LEMD1: variants seen among roughly 807,000 people sequenced by gnomAD.
LEMD1 encodes the protein LEM domain containing 1.
In LEMD1, 18 loss-of-function variants were observed where a neutral mutation model predicts 17.4. The observed-to-expected ratio is 1.04, with a 90% CI of 0.72 to 1.54. The LOEUF is 1.54. Ranked by LOEUF, LEMD1 falls within the 40% of genes most tolerant of loss-of-function variation. The probability of loss-of-function intolerance (pLI) is 0.00; values close to 1 mark genes in which losing one functional copy is unlikely to be tolerated. For missense variants in LEMD1, 195 were observed against 210.4 expected, an observed-to-expected ratio of 0.93 and a Z score of 0.45; for synonymous variants, 88 against 77.8, an observed-to-expected ratio of 1.13 and a Z score of -0.69.
chr1:205,407,884 T>A (rs1024855334), intron 4 of LEMD1, among the ~76,000 whole-genome samples: 2 of 152,108 alleles, frequency 1.3e-5, no homozygotes, highest in African/African-American at 4.8e-5. Context: ...TCTGGAGAGT[T>A]GGAGAACTGG....
chr1:205,392,699 TC>T (rs1402782257), intron 4 of LEMD1, among the ~76,000 whole-genome samples: 1 of 152,062 alleles, frequency 6.6e-6, no homozygotes. Flanking sequence ...ATAAACAGTG[TC>T]TCAGGGTCTC....
chr1:205,396,755 G>C (rs553669138), intron 4 of LEMD1, among the ~76,000 whole-genome samples: 3 of 152,270 alleles, frequency 2.0e-5, no homozygotes, highest in African/African-American at 7.2e-5. Flanking sequence ...GTTTGTGGAT[G>C]CTATAAAGAA....
Position 205,448,328 on chromosome 1 carries a change from G to A in LEMD1, c.-39+1540C>T, listed in dbSNP as rs753959183. On this transcript the variant is annotated intron_variant, in intron 1 of 3. Coordinates refer to the LEMD1 transcript ENST00000367154. The surrounding 1 kb of genome is among the most constrained non-coding windows in gnomAD (Gnocchi z 4.7). ...GAGCTCGCCCCTCACTGTAGCCCATGGCTTTTAGCCCTACATGAGTTTGGG... is the reference window on the plus strand; with the variant it reads ...GAGCTCGCCCCTCACTGTAGCCCATAGCTTTTAGCCCTACATGAGTTTGGG... 3.7e-6 allele frequency: 2 copies of A among 533,694 alleles called. No individual in the cohort carries two copies. The highest frequency in any genetic ancestry group is 1.9e-5 in the Admixed American group (1 of 51,580). 33.1% of individuals were successfully genotyped at this position (533,694 alleles called of 1,614,324 possible). A position where few individuals can be genotyped will look rare whatever the true frequency, so the allele number is the denominator to read the frequency against.
chr1:205,398,050 T>C (rs1433366706), intron 4 of LEMD1, among the ~76,000 whole-genome samples: 1 of 152,208 alleles, frequency 6.6e-6, no homozygotes, highest in Non-Finnish European at 1.5e-5. Flanking sequence ...GATCAAGATA[T>C]ATTGATCATA....
intron 4 of LEMD1, among the ~76,000 whole-genome samples, chr1:205,411,053 G>A (rs1015025173): frequency 1.4e-5 from 2 of 142,486 alleles, no homozygotes; most frequent in Non-Finnish European, 3.0e-5. Context: ...AGGAAGGCAG[G>A]AAGGGAGAGA....
Position 205,415,173 on chromosome 1 carries a change from A to G in LEMD1, c.270+1059T>C, listed in dbSNP as rs906716995. Among the ~76,000 whole-genome samples the G allele has an allele frequency of 5.9e-5, 9 of 152,016 alleles. 1 individual carries two copies. The highest frequency in any genetic ancestry group is 1.2e-4 in the Non-Finnish European group (8 of 67,970). On this transcript the variant is annotated intron_variant, in intron 4 of 5. Coordinates refer to ENST00000367153, the MANE Select transcript of LEMD1 (RefSeq NM_001199050.2). ...CCTGAGCCTGAGGTACAGGGGGATA[A>G]CCATGGGGAGAAGCATGAACACGTC...
At chr1:205,383,365 G>A (rs1339244375) in intron 5 of LEMD1, among the ~76,000 whole-genome samples, 3 of 152,148 alleles carry the variant, frequency 2.0e-5, no homozygotes, top group Non-Finnish European at 4.4e-5. Context: ...AAAATGCTGG[G>A]ATTACAGGCA....
chr1:205,445,180 C>G (rs1475921383), intron 1 of LEMD1, among the ~76,000 whole-genome samples: 1 of 152,114 alleles, frequency 6.6e-6, no homozygotes, highest in Non-Finnish European at 1.5e-5. Flanking sequence ...TTTCTCTCCC[C>G]ACCTCCTCCC....
intron 3 of LEMD1, among the ~76,000 whole-genome samples, chr1:205,417,086 T>C (rs1011429001): frequency 6.6e-6 from 1 of 152,154 alleles, no homozygotes; most frequent in Non-Finnish European, 1.5e-5. Flanking sequence ...ACTCCTCCAC[T>C]CTAATGGTAC....
chr1:205,446,778 C>T (rs1666396003), intron 1 of LEMD1, among the ~76,000 whole-genome samples: 1 of 152,156 alleles, frequency 6.6e-6, no homozygotes, highest in Non-Finnish European at 1.5e-5. Context: ...GGTGAGAGAA[C>T]CCAGAGGGCA....
intron 4 of LEMD1, among the ~76,000 whole-genome samples, chr1:205,397,147 C>T (rs968606592): frequency 2.6e-5 from 4 of 152,180 alleles, no homozygotes; most frequent in Non-Finnish European, 5.9e-5. Context: ...CGAGCCTTTG[C>T]TTCCGCGGGA....
chr1:205,412,835 A>G (rs1665514185), intron 4 of LEMD1, among the ~76,000 whole-genome samples: 1 of 152,230 alleles, frequency 6.6e-6, no homozygotes, highest in African/African-American at 2.4e-5. Flanking sequence ...AGGTTTATGT[A>G]AAGTGGAGAC....
At chr1:205,416,086 A>C in intron 4 of LEMD1, 146 bp downstream of exon 4, 1 of 535,092 alleles carries the variant, frequency 1.9e-6, no homozygotes, top group East Asian at 3.3e-5. Context: ...AGAAATCTGC[A>C]TTAAAATGAT....
rs74672136 is a variant in LEMD1 at position 205,433,831 on chromosome 1, A to G, written c.-38-13257T>C. 2.1e-3 allele frequency among the ~76,000 whole-genome samples: 324 copies of G among 151,930 alleles called. 13 individuals carry two copies. The East Asian group carries it at 0.052, about 24-fold the overall frequency. On this transcript the variant is annotated intron_variant, in intron 1 of 3. Coordinates refer to the LEMD1 transcript ENST00000367154. The stretch of plus-strand genomic sequence containing the variant: ...CAGGAGCAGTCAATCCACCGCTCTA[A>G]ACAACAGCTGCCTGTGTGATACTTG...
chr1:205,389,825 A>G (rs1558708751), intron 4 of LEMD1, among the ~76,000 whole-genome samples: 1 of 152,234 alleles, frequency 6.6e-6, no homozygotes, highest in Middle Eastern at 3.2e-3. Context: ...GTTAACTCCA[A>G]ATCCCTTTAT....
chr1:205,403,616 C>T (rs1042417878), intron 4 of LEMD1, among the ~76,000 whole-genome samples: 2 of 151,764 alleles, frequency 1.3e-5, no homozygotes, highest in African/African-American at 2.4e-5. Context: ...GTCTTGCTAG[C>T]GGTCTATCAA....
intron 1 of LEMD1, chr1:205,436,229 C>T (rs1666201750): frequency 1.3e-5 from 2 of 152,178 alleles, no homozygotes; most frequent in African/African-American, 4.8e-5. Context: ...GAACTCCAGA[C>T]CTGGGGGGTG....
At chr1:205,443,906 C>CTG (rs1666338935) in intron 1 of LEMD1, among the ~76,000 whole-genome samples, 1 of 152,164 alleles carries the variant, frequency 6.6e-6, no homozygotes, top group Non-Finnish European at 1.5e-5. Flanking sequence ...AGTCCCTCTG[C>CTG]CAGGCTGTGG....
intron 4 of LEMD1, chr1:205,386,798 A>T (rs1664053816): frequency 6.6e-6 from 1 of 152,216 alleles, no homozygotes; most frequent in Non-Finnish European, 1.5e-5. Context: ...GCTCTTGAGG[A>T]AGAGATTTCC....
Sources: gnomAD v4.1 joint callset for allele counts (sites outside exome capture counted in the v4.1 genomes callset) on GRCh38, gnomAD v4.1.1 for gene constraint, Gnocchi (gnomAD v3.1) non-coding constraint, MANE v1.5 for transcripts, NCBI Gene and HGNC (gene_info 2026-07-23, HGNC 2026-07-21) for gene names.